The following CADM2 variants were observed in gnomAD, a reference collection of about 807,000 sequenced individuals.
CADM2 encodes the protein cell adhesion molecule 2.
A neutral mutation model predicts 49.8 loss-of-function variants in CADM2; 12 were observed. The observed-to-expected ratio is 0.24, with a 90% confidence interval of 0.15 to 0.39. CADM2 has a LOEUF of 0.39. Among genes scored for constraint, CADM2 ranks in the 10% least tolerant of loss-of-function variants. The pLI is 1.00. For synonymous variants in CADM2, 214 were observed against 175.4 expected (o/e 1.22, Z -1.74); for missense variants, 378 against 492.3 (o/e 0.77, Z 2.20).
In CADM2 at chr3:85,898,937, G is replaced by GTGTGTATATATA. The variant is rs796467067; in HGVS notation, c.529+12611_529+12612insGTGTATATATAT. On this transcript the variant is annotated intron_variant, in intron 5 of 9. Coordinates refer to ENST00000383699, the MANE Select transcript of CADM2 (RefSeq NM_001167675.2). ...TCATAAAATCCAATTCATTTATTGT[G>GTGTGTATATATA]TATATATATATATATATATTTTTTT... is the stretch of plus-strand genomic sequence containing the variant. Among the ~76,000 whole-genome samples the GTGTGTATATATA allele has an allele frequency of 2.6e-3, 122 of 46,550 alleles. 5 individuals carry two copies. The highest frequency in any genetic ancestry group is 0.011 in the East Asian group (15 of 1,388). The allele number at this position is 46,550 out of a possible 152,430, so 30.5% of individuals were successfully genotyped here. A position where few individuals can be genotyped will look rare whatever the true frequency, so the allele number is the denominator to read the frequency against.
intron 7 of CADM2, among the ~76,000 whole-genome samples, chr3:85,946,894 T>G (rs1192335671): frequency 6.6e-6 from 1 of 152,110 alleles, no homozygotes; most frequent in Non-Finnish European, 1.5e-5. Flanking sequence ...ATGCCAGGAC[T>G]TCATGTCTAA....
At chr3:85,674,060 C>G (rs1348236306) in intron 1 of CADM2, among the ~76,000 whole-genome samples, 2 of 152,038 alleles carry the variant, frequency 1.3e-5, no homozygotes, top group Non-Finnish European at 2.9e-5. Context: ...AATATGAACA[C>G]TGGGTTAAGG....
chr3:85,718,825 T>G (rs1487785323), intron 1 of CADM2, among the ~76,000 whole-genome samples: 1 of 150,838 alleles, frequency 6.6e-6, no homozygotes, highest in Non-Finnish European at 1.5e-5. Context: ...TACAATAAAG[T>G]TCTGTTTCAC....
At chr3:85,960,135 T>C (rs1485361835) in intron 7 of CADM2, among the ~76,000 whole-genome samples, 1 of 151,948 alleles carries the variant, frequency 6.6e-6, no homozygotes, top group African/African-American at 2.4e-5. Flanking sequence ...CTTAAACACT[T>C]GATCAGTTCC....
chr3:85,531,977 A>G (rs2061323111), intron 1 of CADM2, among the ~76,000 whole-genome samples: 2 of 152,144 alleles, frequency 1.3e-5, no homozygotes, highest in Non-Finnish European at 2.9e-5. Context: ...GGAGATGGAG[A>G]CCATCCTGGC....
intron 1 of CADM2, among the ~76,000 whole-genome samples, chr3:85,623,249 A>G (rs1313610700): frequency 6.6e-6 from 1 of 152,092 alleles, no homozygotes; most frequent in East Asian, 1.9e-4. Flanking sequence ...CATTTTCTAA[A>G]TTTCTAGATG....
chr3:85,333,893 C>G (rs1184419313), intron 1 of CADM2, among the ~76,000 whole-genome samples: 1 of 151,752 alleles, frequency 6.6e-6, no homozygotes, highest in African/African-American at 2.4e-5. Flanking sequence ...TCTGGCCAAA[C>G]TTTATTCACT....
At chr3:85,812,434 A>T (rs2072938641) in intron 3 of CADM2, among the ~76,000 whole-genome samples, 1 of 152,174 alleles carries the variant, frequency 6.6e-6, no homozygotes, top group Admixed American at 6.6e-5. Flanking sequence ...TTTCTTGGTG[A>T]CATACTGATT....
At chr3:85,886,155 A>T (rs1158106459) in intron 4 of CADM2, 35 bp from the exon 5 acceptor site, 3 of 1,607,888 alleles carry the variant, frequency 1.9e-6, no homozygotes, top group Non-Finnish European at 2.6e-6. Flanking sequence ...AACCCTGAAG[A>T]TTGATGCTCA....
At chr3:85,588,315 T>C (rs1459305750) in intron 1 of CADM2, among the ~76,000 whole-genome samples, 1 of 151,956 alleles carries the variant, frequency 6.6e-6, no homozygotes, top group Non-Finnish European at 1.5e-5. Context: ...GTGGCTTGTG[T>C]GGTTAAGGAT....
chr3:85,077,705 A>C (rs1274711114), intron 1 of CADM2, among the ~76,000 whole-genome samples: 1 of 152,144 alleles, frequency 6.6e-6, no homozygotes, highest in Non-Finnish European at 1.5e-5. Context: ...TCTCGAAATA[A>C]AAGTAAATGA....
chr3:85,964,119 T>G (rs1725187351), intron 8 of CADM2, among the ~76,000 whole-genome samples: 1 of 151,898 alleles, frequency 6.6e-6, no homozygotes, highest in South Asian at 2.1e-4. Flanking sequence ...CTTCTTTTAA[T>G]GGTTTGGCTG....
chr3:85,199,294 TG>T (rs1232910264), intron 1 of CADM2, among the ~76,000 whole-genome samples: 1 of 150,112 alleles, frequency 6.7e-6, no homozygotes, highest in Non-Finnish European at 1.5e-5. Flanking sequence ...CAATGTGGGA[TG>T]GAGAAGGAGC....
At chr3:85,293,955 A>G (rs2043877532) in intron 1 of CADM2, among the ~76,000 whole-genome samples, 1 of 152,110 alleles carries the variant, frequency 6.6e-6, no homozygotes, top group African/African-American at 2.4e-5. Flanking sequence ...TAGGCAGGAA[A>G]AGGAAATGAA....
intron 1 of CADM2, among the ~76,000 whole-genome samples, chr3:85,587,770 G>T (rs2062985653): frequency 6.6e-6 from 1 of 151,662 alleles, no homozygotes; most frequent in South Asian, 2.1e-4. Flanking sequence ...TTTGAGACAG[G>T]ATTTTGCTCT....
chr3:85,296,033 C>T (rs1343431600), intron 1 of CADM2, among the ~76,000 whole-genome samples: 2 of 151,782 alleles, frequency 1.3e-5, no homozygotes, highest in African/African-American at 4.8e-5. Context: ...GACTAAAGCT[C>T]AGTATGAAAT....
intron 1 of CADM2, among the ~76,000 whole-genome samples, chr3:85,130,112 TTAAA>T (rs372367255): frequency 0.01 from 1,596 of 152,304 alleles, 8 homozygotes; most frequent in Middle Eastern, 0.024. Flanking sequence ...ATTATGCACA[TTAAA>T]TAGGGAGCAG....
At chr3:85,127,385 T>A (rs554113579) in intron 1 of CADM2, among the ~76,000 whole-genome samples, 59 of 152,290 alleles carry the variant, frequency 3.9e-4, no homozygotes, top group Middle Eastern at 6.8e-3. Flanking sequence ...CAGTAAAACC[T>A]CTTGTAAGGA....
intron 1 of CADM2, among the ~76,000 whole-genome samples, chr3:85,543,988 T>C (rs2061607035): frequency 6.6e-6 from 1 of 152,114 alleles, no homozygotes; most frequent in Non-Finnish European, 1.5e-5. Context: ...TTCATTGGCT[T>C]CCAATATACT....
Sources: gnomAD v4.1 joint callset for allele counts (sites outside exome capture counted in the v4.1 genomes callset) on GRCh38, gnomAD v4.1.1 for gene constraint, MANE v1.5 for transcripts, NCBI Gene and HGNC (gene_info 2026-07-23, HGNC 2026-07-21) for gene names.